Variants in CDH26 observed in about 807,000 individuals in gnomAD.
The protein encoded by CDH26 is cadherin-like protein 26.
A neutral mutation model predicts 90.3 loss-of-function variants in CDH26; 83 were observed. The ratio of observed to expected loss-of-function variants is 0.92; its 90% CI spans 0.77 to 1.10. CDH26 has a LOEUF of 1.10. Among genes scored for constraint, CDH26 ranks in the 50% least tolerant of loss-of-function variants. CDH26 has a pLI of 0.00. For missense variants in CDH26, 1,013 were observed against 1,037.6 expected, an observed-to-expected ratio of 0.98 and a Z score of 0.33; for synonymous variants, 397 against 396.3, an observed-to-expected ratio of 1.00 and a Z score of -0.02.
intron 4 of CDH26, among the ~76,000 whole-genome samples, chr20:59,976,179 T>C (rs921590114): frequency 3.9e-5 from 6 of 152,216 alleles, no homozygotes; most frequent in African/African-American, 1.4e-4. Flanking sequence ...CTCATTTGCA[T>C]GTAAGGCCGC....
chr20:60,027,046 C>G (rs1211922804), intron 7 of CDH26, among the ~76,000 whole-genome samples: 2 of 152,128 alleles, frequency 1.3e-5, no homozygotes, highest in Non-Finnish European at 2.9e-5. Flanking sequence ...GGAGCCAGGA[C>G]AGCGTGTATG....
intron 11 of CDH26, among the ~76,000 whole-genome samples, chr20:59,995,410 C>T (rs569457802): frequency 1.3e-5 from 2 of 152,280 alleles, no homozygotes; most frequent in East Asian, 3.9e-4. Flanking sequence ...CTCAGGTGAA[C>T]GTCCCTGACT....
intron 14 of CDH26, among the ~76,000 whole-genome samples, chr20:60,000,509 C>T (rs1442602686): frequency 2.0e-5 from 3 of 152,144 alleles, no homozygotes; most frequent in Non-Finnish European, 4.4e-5. Flanking sequence ...CCTGGGCTGG[C>T]GAGAGCCTTC....
intron 4 of CDH26, among the ~76,000 whole-genome samples, chr20:59,976,203 G>A (rs1048625517): frequency 6.6e-6 from 1 of 152,180 alleles, no homozygotes; most frequent in Non-Finnish European, 1.5e-5. Context: ...TCTTGTGCCT[G>A]TAATTTCAAA....
intron 4 of CDH26, among the ~76,000 whole-genome samples, chr20:59,972,430 A>T (rs993708423): frequency 5.9e-5 from 9 of 152,206 alleles, no homozygotes. Context: ...TGTTTATAAA[A>T]TGGGCTAATT....
chr20:59,971,097 T>A (rs1569027603), intron 3 of CDH26, among the ~76,000 whole-genome samples: 1 of 152,196 alleles, frequency 6.6e-6, no homozygotes, highest in Non-Finnish European at 1.5e-5. Flanking sequence ...TTCCACTACC[T>A]TCCTAGTACC....
chr20:59,999,810 G>T (rs2061651802), intron 14 of CDH26, 147 bp downstream of exon 14: 1 of 657,986 alleles, frequency 1.5e-6, no homozygotes, highest in Non-Finnish European at 2.6e-6. Context: ...TACTTGCAAA[G>T]CCCCATGGTT....
At chr20:59,990,618 T>A (rs925364825) in intron 9 of CDH26, among the ~76,000 whole-genome samples, 5 of 152,120 alleles carry the variant, frequency 3.3e-5, no homozygotes, top group Non-Finnish European at 7.4e-5. Context: ...ACTAGAAAAA[T>A]TTTCATGCAC....
At chr20:59,984,519 T>G in intron 5 of CDH26, 120 bp from the exon 6 acceptor site, 1 of 690,572 alleles carries the variant, frequency 1.4e-6, no homozygotes, top group Admixed American at 3.0e-5. Context: ...TTATTTTATA[T>G]TTAAACATTC....
chr20:60,002,746 T>C, intron 15 of CDH26, 67 bp from the exon 16 acceptor site: 1 of 1,273,260 alleles, frequency 7.9e-7, no homozygotes, highest in South Asian at 1.4e-5. Flanking sequence ...TGCAAGAATT[T>C]CTAGTTATGT....
intron 12 of CDH26, chr20:59,996,405 C>A: frequency 1.3e-6 from 2 of 1,515,576 alleles, no homozygotes; most frequent in South Asian, 1.3e-5. Context: ...AGAAACAATA[C>A]AATATTACTG....
chr20:60,002,889 C>A, intron 16 of CDH26, 23 bp downstream of exon 16: 1 of 1,504,156 alleles, frequency 6.6e-7, no homozygotes, highest in Non-Finnish European at 9.0e-7. Context: ...GTAGGTGTTA[C>A]CGTGAACAAA....
intron 4 of CDH26, among the ~76,000 whole-genome samples, chr20:59,979,601 C>CTTTTTTTTTTTT (rs559969476): frequency 2.1e-5 from 1 of 47,498 alleles, no homozygotes; most frequent in Non-Finnish European, 4.1e-5. Flanking sequence ...CTGCTATGCA[C>CTTTTTTTTTTTT]TTTTTTTTTT....
chr20:60,007,878 T>C (rs990509936), intron 17 of CDH26, among the ~76,000 whole-genome samples: 1 of 152,194 alleles, frequency 6.6e-6, no homozygotes, highest in African/African-American at 2.4e-5. Flanking sequence ...TTGACTGCGC[T>C]GAAGGGGTCT....
rs199503868 is a variant in CDH26, at chr20:59,988,870, A to T, written c.1024-34A>T. The T allele has an allele frequency of 1.3e-4, 209 of 1,605,730 alleles. No homozygotes were observed. In the African/African-American group the frequency reaches 2.6e-3, roughly 20 times the overall value. On this transcript the variant is annotated intron_variant, in intron 8 of 17. Transcript: ENST00000348616. ...GGCTTCCTCTGGCCAGAGGAGCAGC[A>T]GGTGCTAATGAAATCCTCTCTCTGG...
chr20:60,006,815 A>C (rs1234048560), intron 17 of CDH26, 28 bp downstream of exon 17: 21 of 1,569,990 alleles, frequency 1.3e-5, no homozygotes, highest in Non-Finnish European at 1.8e-5. Flanking sequence ...TGTGCTGTGC[A>C]CTAGCTATGG....
chr20:59,972,700 C>G (rs6128730), intron 4 of CDH26, among the ~76,000 whole-genome samples: 1 of 152,140 alleles, frequency 6.6e-6, no homozygotes, highest in Non-Finnish European at 1.5e-5. Context: ...ATAGGAAGTC[C>G]TTAGGTAGTC....
At chr20:60,026,167 G>A (rs553575577) in intron 7 of CDH26, among the ~76,000 whole-genome samples, 6 of 152,152 alleles carry the variant, frequency 3.9e-5, no homozygotes, top group African/African-American at 7.2e-5. Flanking sequence ...GGGGTTTATC[G>A]TTTGTTTCCC....
chr20:60,006,591 C>T (rs778508395), intron 16 of CDH26, 122 bp from the exon 17 acceptor site: 95 of 701,074 alleles, frequency 1.4e-4, no homozygotes, highest in Non-Finnish European at 2.2e-4. Flanking sequence ...GGGCCTGGCT[C>T]TTCACCTCCA....
Sources: gnomAD v4.1 joint callset for allele counts (sites outside exome capture counted in the v4.1 genomes callset) on GRCh38, gnomAD v4.1.1 for gene constraint, MANE v1.5 for transcripts, NCBI Gene and HGNC (gene_info 2026-07-23, HGNC 2026-07-21) for gene names.